The following RFWD3 variants were observed in gnomAD, a reference collection of about 807,000 sequenced individuals.
The protein encoded by RFWD3 is ring finger and WD repeat domain 3.
RFWD3 carries 65 observed loss-of-function variants against 87.7 expected under a neutral mutation model. The ratio of observed to expected loss-of-function variants is 0.74; its 90% CI spans 0.61 to 0.91. The LOEUF (loss-of-function observed/expected upper bound fraction) is 0.91. Among genes scored for constraint, RFWD3 ranks in the 40% least tolerant of loss-of-function variants. The pLI is 0.00. For synonymous variants in RFWD3, 433 were observed against 352.8 expected (o/e 1.23, Z -2.55); for missense variants, 1,078 against 938.5 (o/e 1.15, Z -1.94).
In RFWD3 at chr16:74,624,003, G is replaced by C; in HGVS notation, c.2250C>G (p.Cys750Trp). 1 of 1,614,074 alleles carries C rather than the reference G, an allele frequency of 6.2e-7. No homozygotes were observed. Among genetic ancestry groups the C allele is most frequent in the Non-Finnish European group, 8.5e-7 (1 of 1,180,014 alleles). The stretch of plus-strand genomic sequence containing the variant: ...AGCTGTTACGGTTCACCTCAAATGG[G>C]CAGATGTCCAACACAGGCTGATCGG... The part of the protein sequence containing the change: ...LQTDQPVLDI[C>W]PFEVNRNSYL... The change falls in exon 13 of 13, where the codon TGC (cysteine) becomes TGG (tryptophan). Residue 750 changes from cysteine (C) to tryptophan (W), a missense_variant. Physicochemically the swap from Cys to Trp is radical, Grantham distance 215. Coordinates refer to ENST00000361070, the MANE Select transcript of RFWD3 (RefSeq NM_018124.4).
intron 4 of RFWD3, 25 bp downstream of exon 4, chr16:74,649,107 T>A (rs1960388613): frequency 1.3e-6 from 2 of 1,484,032 alleles, no homozygotes; most frequent in East Asian, 4.9e-5. Flanking sequence ...ATAAATAGAT[T>A]TTTTTAAAAT....
At position 74,644,742 on chromosome 16, in the gene RFWD3, G is replaced by A. The variant is rs1332774993; in HGVS notation, c.793-7C>T. On this transcript the variant is annotated splice_polypyrimidine_tract_variant and splice_region_variant and intron_variant, in intron 4 of 12. Coordinates refer to ENST00000361070, the MANE Select transcript of RFWD3 (RefSeq NM_018124.4). ...CAGACTTCTGGGGAGATGGCTAGAT[G>A]GAAAGCAGAATATATTCAAATTAGA... is the stretch of plus-strand genomic sequence containing the variant. The A allele has an allele frequency of 2.5e-6, 4 of 1,603,014 alleles. No homozygotes were observed. In the Admixed American group the frequency reaches 5.1e-5, roughly 20 times the overall value.
At chr16:74,654,884 G>T (rs1173231305) in intron 2 of RFWD3, among the ~76,000 whole-genome samples, 1 of 152,200 alleles carries the variant, frequency 6.6e-6, no homozygotes, top group Non-Finnish European at 1.5e-5. Flanking sequence ...TCCAGAGGAA[G>T]GCCCCAACTC....
intron 10 of RFWD3, 67 bp downstream of exon 10, chr16:74,630,714 A>G (rs1486137367): frequency 7.1e-7 from 1 of 1,401,654 alleles, no homozygotes; most frequent in Non-Finnish European, 9.5e-7. Flanking sequence ...CACTGAAGAG[A>G]CGATTAACAC....
intron 1 of RFWD3, 25 bp from the exon 2 acceptor site, chr16:74,661,476 G>C (rs372462979): frequency 6.4e-7 from 1 of 1,551,554 alleles, no homozygotes; most frequent in South Asian, 1.2e-5. Flanking sequence ...TTTGTAAAAA[G>C]TATTAATAAA....
intron 2 of RFWD3, among the ~76,000 whole-genome samples, chr16:74,656,443 C>G (rs1347138510): frequency 1.3e-5 from 2 of 150,884 alleles, no homozygotes; most frequent in African/African-American, 4.9e-5. Context: ...TCTAATGGAT[C>G]TGGACAAAGT....
At chr16:74,664,335 G>A (rs780988998) in intron 1 of RFWD3, 2 of 152,216 alleles carry the variant, frequency 1.3e-5, no homozygotes, top group African/African-American at 4.8e-5. Context: ...GCTACTTCTA[G>A]ATGTACTCAA....
intron 12 of RFWD3, 31 bp from the exon 13 acceptor site, chr16:74,624,102 G>A (rs1197419408): frequency 6.2e-7 from 1 of 1,608,320 alleles, no homozygotes; most frequent in Admixed American, 1.7e-5. Flanking sequence ...GAAGGGTCAG[G>A]AGTCAGTCAG....
At chr16:74,644,183 G>T in intron 6 of RFWD3, 179 bp downstream of exon 6, 1 of 662,840 alleles carries the variant, frequency 1.5e-6, no homozygotes, top group Non-Finnish European at 2.7e-6. Context: ...ACTTCCTTAA[G>T]AAGATGATCA....
At chr16:74,653,573 A>G (rs1182379603) in intron 2 of RFWD3, among the ~76,000 whole-genome samples, 1 of 152,138 alleles carries the variant, frequency 6.6e-6, no homozygotes, top group Admixed American at 6.5e-5. Context: ...AGCACTCTGG[A>G]AAGCCAAGGC....
rs545027989 is a variant in RFWD3, at chr16:74,653,057, G to C, written c.519-935C>G. Among the ~76,000 whole-genome samples, 6 of 152,276 alleles carry C rather than the reference G, an allele frequency of 3.9e-5. No homozygotes were observed. The East Asian group carries it at 1.2e-3, about 29-fold the overall frequency. On this transcript the variant is annotated intron_variant, in intron 2 of 12. Transcript: ENST00000361070. ...GGGACACACACACACAGACACATTA[G>C]GCTAGCTGCGATGACTCATGTCTGT... is the stretch of plus-strand genomic sequence containing the variant.
rs374606493 is a variant in RFWD3, at chr16:74,632,650, T to C, written c.1450A>G (p.Thr484Ala). 6.2e-7 allele frequency: 1 copy of C among 1,614,134 alleles called. No individual in the cohort carries two copies. Among genetic ancestry groups the C allele is most frequent in the Non-Finnish European group, 8.5e-7 (1 of 1,179,998 alleles). Residue 484 changes from threonine to alanine, a missense_variant, in exon 9 of 13, where the codon ACT becomes GCT. Physicochemically the swap from Thr to Ala is moderately conservative, Grantham distance 58 (BLOSUM62 0). Transcript: ENST00000361070. ...LPGFGVKMLS[T>A]ANMKSSQYIP... ...TACTGACTGCTCTTCATGTTGGCAG[T>C]ACTCAACATCTTAACACCAAAGCCT...
At chr16:74,629,030 C>T (rs1346321422) in intron 10 of RFWD3, among the ~76,000 whole-genome samples, 1 of 152,100 alleles carries the variant, frequency 6.6e-6, no homozygotes, top group Non-Finnish European at 1.5e-5. Flanking sequence ...ATATACATAA[C>T]AAAATAAAGA....
At chr16:74,659,822 TTCC>T (rs1190476871) in intron 2 of RFWD3, among the ~76,000 whole-genome samples, 1 of 152,204 alleles carries the variant, frequency 6.6e-6, no homozygotes, top group African/African-American at 2.4e-5. Flanking sequence ...TCCCATCAGC[TTCC>T]TCATTTGTAA....
intron 1 of RFWD3, among the ~76,000 whole-genome samples, chr16:74,662,327 G>A (rs979543439): frequency 5.9e-5 from 9 of 151,982 alleles, no homozygotes; most frequent in African/African-American, 1.5e-4. Flanking sequence ...AGTAAGGCAC[G>A]TGCTTTTATT....
Position 74,629,189 on chromosome 16 carries a change from T to G in RFWD3, c.1755-523A>C, listed in dbSNP as rs1016354668. Reference sequence around the variant, plus strand: ...TGCGCCAAGAATTCTCTCAGAAATATCATCCTTCCGACTGTGTTCCTATCA... The same window carrying G: ...TGCGCCAAGAATTCTCTCAGAAATAGCATCCTTCCGACTGTGTTCCTATCA... On this transcript the variant is annotated intron_variant, in intron 10 of 12. Coordinates refer to ENST00000361070, the MANE Select transcript of RFWD3 (RefSeq NM_018124.4). Among the ~76,000 whole-genome samples the G allele has an allele frequency of 3.3e-5, 5 of 152,230 alleles. No individual in the cohort carries two copies. The East Asian group carries it at 9.6e-4, about 29-fold the overall frequency.
At chr16:74,654,390 G>A (rs1960807154) in intron 2 of RFWD3, among the ~76,000 whole-genome samples, 1 of 152,072 alleles carries the variant, frequency 6.6e-6, no homozygotes, top group Admixed American at 6.6e-5. Flanking sequence ...TTAGGAGTGT[G>A]TTATGTAATT....
chr16:74,651,890 T>G, intron 3 of RFWD3, 30 bp downstream of exon 3: 1 of 1,601,542 alleles, frequency 6.2e-7, no homozygotes, highest in South Asian at 1.1e-5. Flanking sequence ...ATGTTAGCCT[T>G]GTGAGTCCAA....
chr16:74,650,471 C>T (rs1316315875), intron 3 of RFWD3, among the ~76,000 whole-genome samples: 2 of 151,180 alleles, frequency 1.3e-5, no homozygotes, highest in African/African-American at 2.4e-5. Flanking sequence ...GTCTTGCTGT[C>T]CTATTTTTTT....
Sources: allele counts gnomAD v4.1 joint callset (sites outside exome capture counted in the v4.1 genomes callset), GRCh38; gene constraint gnomAD v4.1.1; transcripts MANE v1.5; gene names NCBI Gene and HGNC (gene_info 2026-07-23, HGNC 2026-07-21).